The following PDE12 variants were observed in gnomAD, a reference collection of about 807,000 sequenced individuals.
The protein encoded by PDE12 is 2',5'-phosphodiesterase 12.
A neutral mutation model predicts 45.4 loss-of-function variants in PDE12; 26 were observed. That is an observed-to-expected ratio of 0.57 (90% CI 0.42 to 0.79). The LOEUF (loss-of-function observed/expected upper bound fraction) is 0.79, where lower values mean the gene tolerates loss of function less well. PDE12 is among the 30% of genes least tolerant of loss of function. The pLI, the probability that PDE12 is intolerant of heterozygous loss-of-function variation, is 0.00. For synonymous variants in PDE12, 283 were observed against 323.9 expected, an observed-to-expected ratio of 0.87 and a Z score of 1.36; for missense variants, 668 against 790.0, an observed-to-expected ratio of 0.85 and a Z score of 1.85.
At chr3:57,620,413 A>T in the PDE12 span, among the ~76,000 whole-genome samples, 34 of 152,202 alleles carry the variant, frequency 2.2e-4, no homozygotes, top group African/African-American at 6.7e-4. Flanking sequence ...AAAAAAGAAA[A>T]TTTTTTAAAA....
chr3:57,625,787 G>A, the PDE12 span: 1 of 152,546 alleles, frequency 6.6e-6, no homozygotes, highest in Admixed American at 6.5e-5. Flanking sequence ...TTCAACATGT[G>A]TTAGGTTTCA....
chr3:57,620,385 C>CA, the PDE12 span, among the ~76,000 whole-genome samples: 103 of 134,942 alleles, frequency 7.6e-4, no homozygotes, highest in African/African-American at 1.4e-3. Flanking sequence ...ATCCCCTCTC[C>CA]AAAAAAAAAA....
the PDE12 span, among the ~76,000 whole-genome samples, chr3:57,635,825 T>C: frequency 3.0e-4 from 45 of 152,182 alleles, no homozygotes; most frequent in African/African-American, 1.0e-3. Flanking sequence ...CATATTCACT[T>C]ATACATGATT....
chr3:57,628,458 A>C, the PDE12 span: 2 of 1,393,438 alleles, frequency 1.4e-6, no homozygotes, highest in Non-Finnish European at 1.9e-6. Flanking sequence ...TTTCAGTCTT[A>C]GACCAGAAAT....
chr3:57,602,249 T>A, the PDE12 span, among the ~76,000 whole-genome samples: 1 of 152,192 alleles, frequency 6.6e-6, no homozygotes, highest in African/African-American at 2.4e-5. Context: ...TCTGTTGTAG[T>A]CCCCTTATTC....
At chr3:57,639,379 C>T in the PDE12 span, among the ~76,000 whole-genome samples, 6 of 152,166 alleles carry the variant, frequency 3.9e-5, no homozygotes, top group African/African-American at 1.4e-4. Context: ...TTTATCAATT[C>T]ATGCTGCTCT....
At chr3:57,575,782 C>A in the PDE12 span, 6 of 1,219,870 alleles carry the variant, frequency 4.9e-6, no homozygotes, top group Non-Finnish European at 6.6e-6. Flanking sequence ...AAACATTAAC[C>A]TAATTTCTCG....
chr3:57,582,839 A>G, the PDE12 span, among the ~76,000 whole-genome samples: 7 of 152,356 alleles, frequency 4.6e-5, no homozygotes, highest in South Asian at 1.4e-3. Context: ...ACAAAGGTAG[A>G]GTGAGAACAA....
the PDE12 span, among the ~76,000 whole-genome samples, chr3:57,586,429 CG>C: frequency 6.6e-6 from 1 of 152,268 alleles, no homozygotes; most frequent in South Asian, 2.1e-4. Flanking sequence ...AAAACAGAAG[CG>C]AAGGCTACAG....
At chr3:57,583,691 T>TA in the PDE12 span, among the ~76,000 whole-genome samples, 1 of 152,100 alleles carries the variant, frequency 6.6e-6, no homozygotes, top group African/African-American at 2.4e-5. Context: ...TCCAAACACT[T>TA]ACCGCAATTG....
At chr3:57,569,773 G>A (rs931114270), downstream of PDE12, among the ~76,000 whole-genome samples, 6 of 148,070 alleles carry the variant, frequency 4.1e-5, no homozygotes, top group South Asian at 1.1e-3. Context: ...TAAAGGTTTC[G>A]GTGAGCCAAG....
At chr3:57,569,849 AAAAG>A (rs1404120638), downstream of PDE12, among the ~76,000 whole-genome samples, 2 of 151,580 alleles carry the variant, frequency 1.3e-5, no homozygotes, top group Admixed American at 6.6e-5. Context: ...AAAAAAAAAA[AAAAG>A]GTAATTTCCA....
At chr3:57,654,863 T>C in the PDE12 span, 18 of 867,754 alleles carry the variant, frequency 2.1e-5, no homozygotes, top group Non-Finnish European at 2.5e-5. Flanking sequence ...TGGATAAATA[T>C]GTAAACTTTC....
chr3:57,620,201 GACAGAGCAGGACT>G, the PDE12 span, among the ~76,000 whole-genome samples: 1 of 152,120 alleles, frequency 6.6e-6, no homozygotes, highest in Admixed American at 6.6e-5. Flanking sequence ...CAGCCTGGGT[GACAGAGCAGGACT>G]CCATCTCAAG....
chr3:57,560,837 A>C lies in PDE12; in HGVS notation c.*833A>C. The stretch of plus-strand genomic sequence containing the variant: ...TAAGGTGAGAGACTTGACACATGGA[A>C]GGAGTAACATTAGGGTCTACCTCTA... On this transcript the variant is annotated 3_prime_UTR_variant, in exon 3 of 3. Coordinates refer to ENST00000311180, the MANE Select transcript of PDE12 (RefSeq NM_177966.7). 1.0e-6 allele frequency: 1 copy of C among 985,318 alleles called. No homozygotes were observed. The highest frequency in any genetic ancestry group is 1.2e-6 in the Non-Finnish European group (1 of 829,456). The allele number at this position is 985,318 out of a possible 1,614,324, so 61.0% of individuals were successfully genotyped here.
In PDE12 at chr3:57,562,012, T is replaced by G. The variant is rs2069733505; in HGVS notation, c.*2008T>G. On this transcript the variant is annotated 3_prime_UTR_variant, in exon 3 of 3. Coordinates refer to ENST00000311180, the MANE Select transcript of PDE12 (RefSeq NM_177966.7). ...GCATTTTAACAGCAGTTTACAAATA[T>G]GTAAATAATAGATTAAAACCAAATC... 4.1e-6 allele frequency: 4 copies of G among 982,670 alleles called. No individual in the cohort carries two copies. The highest frequency in any genetic ancestry group is 4.8e-6 in the Non-Finnish European group (4 of 827,410). 60.9% of individuals were successfully genotyped at this position (982,670 alleles called of 1,614,324 possible).
chr3:57,613,900 C>CAAAAAAA, the PDE12 span, among the ~76,000 whole-genome samples: 215 of 59,278 alleles, frequency 3.6e-3, no homozygotes, highest in Middle Eastern at 0.014. Flanking sequence ...GACTCCATCT[C>CAAAAAAA]AAAAAAAAAA....
chr3:57,586,761 T>A, the PDE12 span, among the ~76,000 whole-genome samples: 1 of 152,142 alleles, frequency 6.6e-6, no homozygotes, highest in Non-Finnish European at 1.5e-5. Flanking sequence ...ACATTAAAGT[T>A]TGGCATCTTT....
At chr3:57,634,736 AG>A in the PDE12 span, 1 of 1,572,470 alleles carries the variant, frequency 6.4e-7, no homozygotes, top group Non-Finnish European at 8.6e-7. Context: ...TAGATTCTTC[AG>A]TTTTTTCACT....
Sources: gnomAD v4.1 joint callset for allele counts (sites outside exome capture counted in the v4.1 genomes callset) on GRCh38, gnomAD v4.1.1 for gene constraint, MANE v1.5 for transcripts, NCBI Gene and HGNC (gene_info 2026-07-23, HGNC 2026-07-21) for gene names.